The following EHMT1 variants were observed in gnomAD, a reference collection of about 807,000 sequenced individuals.
The protein encoded by EHMT1 is euchromatic histone lysine methyltransferase 1.
Under a neutral mutation model 147.2 loss-of-function variants are expected in EHMT1, and 15 were observed. That is an observed-to-expected ratio of 0.10 (90% CI 0.07 to 0.16). The LOEUF is 0.16. EHMT1 is among the 10% of genes least tolerant of loss of function. The pLI is 1.00. For synonymous variants in EHMT1, 795 were observed against 709.6 expected (o/e 1.12, Z -1.91); for missense variants, 1,587 against 1,772.4 (o/e 0.90, Z 1.88).
chr9:137,832,393 C>T (rs1332442252), intron 25 of EHMT1, among the ~76,000 whole-genome samples: 1 of 150,544 alleles, frequency 6.6e-6, no homozygotes, highest in African/African-American at 2.5e-5. Context: ...GGGCTCCCTC[C>T]ACAGGCCCCG....
intron 1 of EHMT1, among the ~76,000 whole-genome samples, chr9:137,677,260 A>G (rs1211719265): frequency 1.3e-5 from 2 of 151,896 alleles, no homozygotes; most frequent in African/African-American, 4.8e-5. Flanking sequence ...CAGTCTCCCA[A>G]GTAGCTGGGA....
intron 3 of EHMT1, among the ~76,000 whole-genome samples, chr9:137,720,097 C>T (rs1470617975): frequency 1.7e-5 from 2 of 116,554 alleles, no homozygotes; most frequent in Non-Finnish European, 3.6e-5. Flanking sequence ...GTCGAGGTGC[C>T]GAACCCCCTC....
At chr9:137,728,618 T>C (rs541474769) in intron 4 of EHMT1, 89 bp downstream of exon 4, 1 of 1,553,908 alleles carries the variant, frequency 6.4e-7, no homozygotes, top group Non-Finnish European at 8.8e-7. Context: ...TGGCTGTAAG[T>C]GCCTGTGCTG....
intron 8 of EHMT1, 75 bp from the exon 9 acceptor site, chr9:137,757,805 T>C (rs1392907718): frequency 1.1e-5 from 18 of 1,607,044 alleles, no homozygotes. Flanking sequence ...GGCCCCAGCC[T>C]TGCTGCCCTG....
rs3125795 is a variant in EHMT1, at chr9:137,758,085, G to T, written c.1501+74G>T. 119,215 of 1,596,770 alleles carry T rather than the reference G, an allele frequency of 0.075. 9,508 individuals are homozygous for T. Among genetic ancestry groups the T allele is most frequent in the African/African-American group, 0.42 (30,964 of 74,486 alleles). ...CTTCTGGGCTCCTTCCTCTGTATTA[G>T]CATGATGCCCCTTGGTGGACACTAG... On this transcript the variant is annotated intron_variant, in intron 9 of 26. Transcript: ENST00000460843.
intron 1 of EHMT1, among the ~76,000 whole-genome samples, chr9:137,668,056 T>C (rs971424623): frequency 4.6e-5 from 7 of 152,170 alleles, no homozygotes; most frequent in Non-Finnish European, 1.0e-4. Context: ...TATAGACTTT[T>C]GCAGAACAGC....
At chr9:137,804,087 C>T (rs771603274) in intron 18 of EHMT1, among the ~76,000 whole-genome samples, 1 of 152,152 alleles carries the variant, frequency 6.6e-6, no homozygotes, top group Non-Finnish European at 1.5e-5. Context: ...GATTGAGGAG[C>T]ATTGTACCAC....
intron 1 of EHMT1, among the ~76,000 whole-genome samples, chr9:137,630,416 C>CT (rs1480784920): frequency 1.3e-5 from 2 of 151,974 alleles, no homozygotes; most frequent in Non-Finnish European, 2.9e-5. Flanking sequence ...TAGTCTAGGT[C>CT]TTTTTTTTCC....
chr9:137,726,868 G>A lies in EHMT1; in HGVS notation c.643-1481G>A, dbSNP rs74599381. On this transcript the variant is annotated intron_variant, in intron 3 of 26. Transcript: ENST00000460843. ...TTCTTTTTTCATAGTAGCCATCCTA[G>A]TGTGTGAATGGTACTCACCGTGGTT... Among the ~76,000 whole-genome samples the A allele has an allele frequency of 2.4e-4, 37 of 152,294 alleles. 1 individual carries two copies. The East Asian group carries it at 7.2e-3, about 29-fold the overall frequency.
At chr9:137,671,341 C>T (rs1202929627) in intron 1 of EHMT1, among the ~76,000 whole-genome samples, 1 of 151,898 alleles carries the variant, frequency 6.6e-6, no homozygotes, top group Non-Finnish European at 1.5e-5. Context: ...CATGTATTAG[C>T]TTTACAGTAA....
At position 137,775,949 on chromosome 9, in the gene EHMT1, G is replaced by A. The variant is rs1564737118; in HGVS notation, c.1792-669G>A. Among the ~76,000 whole-genome samples the A allele has an allele frequency of 2.6e-5, 4 of 152,060 alleles. No homozygotes were observed. The highest frequency in any genetic ancestry group is 7.2e-5 in the African/African-American group (3 of 41,394). On this transcript the variant is annotated intron_variant, in intron 11 of 26. Coordinates refer to ENST00000460843, the MANE Select transcript of EHMT1 (RefSeq NM_024757.5). This position sits in a 1 kb window ranked among gnomAD's most constrained non-coding sequence, Gnocchi z 6.1. The stretch of plus-strand genomic sequence containing the variant: ...AGCCTCTGCCTGTAAGCGTCTGTCT[G>A]TGTGCGCCTGTGTGTGTGAGTGTTT...
intron 1 of EHMT1, among the ~76,000 whole-genome samples, chr9:137,696,239 T>C (rs953050484): frequency 5.9e-5 from 9 of 152,168 alleles, no homozygotes; most frequent in East Asian, 1.9e-4. Context: ...GTGAAATTGG[T>C]ATGTGGAAAA....
intron 1 of EHMT1, among the ~76,000 whole-genome samples, chr9:137,620,691 C>T (rs73581264): frequency 0.016 from 2,387 of 152,270 alleles, 58 homozygotes; most frequent in African/African-American, 0.054. Context: ...TTGTGCCCGT[C>T]CTGTTGTTTC....
intron 1 of EHMT1, among the ~76,000 whole-genome samples, chr9:137,670,860 C>T (rs1291884891): frequency 6.6e-6 from 1 of 152,150 alleles, no homozygotes; most frequent in Non-Finnish European, 1.5e-5. Context: ...CCTTTGCCGC[C>T]GTCTTCCTTC....
intron 16 of EHMT1, among the ~76,000 whole-genome samples, chr9:137,797,935 G>A (rs1034110006): frequency 2.0e-5 from 3 of 152,236 alleles, no homozygotes; most frequent in African/African-American, 7.2e-5. Flanking sequence ...ATGGCACAGC[G>A]GTGTGGGCGG....
intron 1 of EHMT1, among the ~76,000 whole-genome samples, chr9:137,681,234 A>G (rs1449313358): frequency 6.6e-6 from 1 of 152,180 alleles, no homozygotes; most frequent in East Asian, 1.9e-4. Flanking sequence ...CTGCTGGGGC[A>G]GGTGATGGAA....
intron 1 of EHMT1, among the ~76,000 whole-genome samples, chr9:137,633,591 T>G (rs1843765542): frequency 1.3e-5 from 2 of 152,184 alleles, no homozygotes; most frequent in Non-Finnish European, 2.9e-5. Context: ...ATTCACATTT[T>G]AAAATGTGCA....
intron 25 of EHMT1, among the ~76,000 whole-genome samples, chr9:137,829,892 T>C (rs537283429): frequency 1.3e-5 from 2 of 152,234 alleles, no homozygotes; most frequent in Non-Finnish European, 2.9e-5. Flanking sequence ...ATCCATGCCT[T>C]CCCTGTTTAT....
chr9:137,795,574 G>A (rs1328556685), intron 16 of EHMT1, among the ~76,000 whole-genome samples: 2 of 152,154 alleles, frequency 1.3e-5, no homozygotes, highest in Admixed American at 6.5e-5. Context: ...ACACAGACAC[G>A]GGAGGACGTG....
Sources: gnomAD v4.1 joint callset for allele counts (sites outside exome capture counted in the v4.1 genomes callset) on GRCh38, gnomAD v4.1.1 for gene constraint, Gnocchi (gnomAD v3.1) non-coding constraint, MANE v1.5 for transcripts, NCBI Gene and HGNC (gene_info 2026-07-23, HGNC 2026-07-21) for gene names.